The following HIBADH variants were observed in gnomAD, a reference collection of about 807,000 sequenced individuals.
The protein encoded by HIBADH is 3-hydroxyisobutyrate dehydrogenase.
In HIBADH, 25 loss-of-function variants were observed where a neutral mutation model predicts 36.1. That is an observed-to-expected ratio of 0.69 (90% confidence interval 0.50 to 0.97). The LOEUF (loss-of-function observed/expected upper bound fraction) is 0.97, where lower values mean the gene tolerates loss of function less well. HIBADH is among the 50% of genes least tolerant of loss of function. The pLI is 0.00. For synonymous variants in HIBADH, 160 were observed against 149.5 expected (o/e 1.07, Z -0.51); for missense variants, 421 against 418.0 (o/e 1.01, Z -0.06).
chr7:27,652,376 G>A (rs1017212641), intron 1 of HIBADH, among the ~76,000 whole-genome samples: 3 of 151,286 alleles, frequency 2.0e-5, no homozygotes, highest in Non-Finnish European at 4.4e-5. Context: ...TATTTTGTAG[G>A]CAAGAGGTAG....
chr7:27,596,754 C>A (rs1413316377), intron 4 of HIBADH, among the ~76,000 whole-genome samples: 2 of 152,140 alleles, frequency 1.3e-5, no homozygotes, highest in African/African-American at 4.8e-5. Context: ...GTTGGAATAT[C>A]TGCATTGTAC....
intron 4 of HIBADH, among the ~76,000 whole-genome samples, chr7:27,613,161 A>ATATATT (rs1199556072): frequency 9.6e-4 from 9 of 9,416 alleles, no homozygotes; most frequent in Non-Finnish European, 1.3e-3. Context: ...ATATAAATAT[A>ATATATT]TATATTTATA....
At position 27,642,905 on chromosome 7, in the gene HIBADH, C is replaced by T. The variant is rs6956238; in HGVS notation, c.252+6568G>A. 5.5e-3 allele frequency among the ~76,000 whole-genome samples: 830 copies of T among 152,280 alleles called. 2 individuals are homozygous for T. The highest frequency in any genetic ancestry group is 0.011 in the South Asian group (53 of 4,830). Reference sequence around the variant, plus strand: ...TGACCTCGTGATCCGCCCACCTCGGCCTCCCAAAGTGCTGGGATTACAGGC... The same window carrying T: ...TGACCTCGTGATCCGCCCACCTCGGTCTCCCAAAGTGCTGGGATTACAGGC... On this transcript the variant is annotated intron_variant, in intron 2 of 7. Transcript: ENST00000265395.
At position 27,588,677 on chromosome 7, in the gene HIBADH, G is replaced by C. The variant is rs117876521; in HGVS notation, c.484+40694C>G. Among the ~76,000 whole-genome samples, 8 of 152,206 alleles carry C rather than the reference G, an allele frequency of 5.3e-5. No homozygotes were observed. The South Asian group carries it at 1.7e-3, about 32-fold the overall frequency. ...ATATCATGAAACCATCTTATTCTCT[G>C]CTAAGATGATTTTACTAACTCTATA... On this transcript the variant is annotated intron_variant, in intron 4 of 7. Transcript: ENST00000265395.
chr7:27,630,492 CATG>C (rs1337016716), intron 3 of HIBADH, among the ~76,000 whole-genome samples: 1 of 151,868 alleles, frequency 6.6e-6, no homozygotes, highest in East Asian at 1.9e-4. Flanking sequence ...GGCATGGAAT[CATG>C]ATAAGAAAAT....
At chr7:27,660,968 T>A (rs1321931436) in intron 1 of HIBADH, among the ~76,000 whole-genome samples, 1 of 152,162 alleles carries the variant, frequency 6.6e-6, no homozygotes, top group Non-Finnish European at 1.5e-5. Flanking sequence ...TAGAACACCT[T>A]GTAAAACCAC....
intron 1 of HIBADH, among the ~76,000 whole-genome samples, chr7:27,660,476 A>T (rs1287114342): frequency 6.6e-6 from 1 of 152,224 alleles, no homozygotes; most frequent in Non-Finnish European, 1.5e-5. Flanking sequence ...ATCCTGGCTA[A>T]CATGGTGAAA....
At chr7:27,642,256 T>C (rs1333155654) in intron 2 of HIBADH, among the ~76,000 whole-genome samples, 4 of 152,170 alleles carry the variant, frequency 2.6e-5, no homozygotes, top group Admixed American at 1.3e-4. Flanking sequence ...CTTTGTTGGG[T>C]GAGTAAAGAT....
In HIBADH at chr7:27,526,017, GAAAA is replaced by G. The variant is rs1229244312; in HGVS notation, c.*193_*196del. ...TAGCAGAGACTATCAGTGGCTTGCA[GAAAA>G]AAAATTCGGATAATATGTTTGTTAA... On this transcript the variant is annotated 3_prime_UTR_variant, in exon 8 of 8. Coordinates refer to ENST00000265395, the MANE Select transcript of HIBADH (RefSeq NM_152740.4). The G allele has an allele frequency of 2.5e-6, 1 of 396,342 alleles. No individual in the cohort carries two copies. The highest frequency in any genetic ancestry group is 4.3e-6 in the Non-Finnish European group (1 of 232,226). The allele number at this position is 396,342 out of a possible 1,614,324, so 24.6% of individuals were successfully genotyped here. A position where few individuals can be genotyped will look rare whatever the true frequency, so the allele number is the denominator to read the frequency against.
chr7:27,557,201 T>A (rs1467410198), intron 4 of HIBADH, among the ~76,000 whole-genome samples: 1 of 147,572 alleles, frequency 6.8e-6, no homozygotes, highest in Non-Finnish European at 1.5e-5. Context: ...GAGCTTAAGG[T>A]TTTTTTTTTA....
intron 4 of HIBADH, among the ~76,000 whole-genome samples, chr7:27,593,949 G>A (rs1413376956): frequency 6.6e-6 from 1 of 151,234 alleles, no homozygotes; most frequent in East Asian, 2.0e-4. Flanking sequence ...TATGAACCCG[G>A]GAGGCGGAGC....
At chr7:27,561,958 G>A (rs898541412) in intron 4 of HIBADH, among the ~76,000 whole-genome samples, 1 of 152,078 alleles carries the variant, frequency 6.6e-6, no homozygotes, top group East Asian at 1.9e-4. Context: ...AATTTGCATG[G>A]TATGTAAGAA....
At chr7:27,657,966 A>G (rs1359030132) in intron 1 of HIBADH, among the ~76,000 whole-genome samples, 1 of 152,186 alleles carries the variant, frequency 6.6e-6, no homozygotes, top group African/African-American at 2.4e-5. Flanking sequence ...ACTCTTACCA[A>G]AAATGGTCAA....
chr7:27,553,600 G>A (rs1015750), intron 4 of HIBADH, among the ~76,000 whole-genome samples: 115,230 of 152,104 alleles, frequency 0.76, 44,049 homozygotes, highest in East Asian at 0.94. Flanking sequence ...GCAGAGTGGG[G>A]TTTTTAAAGG....
chr7:27,639,653 T>G (rs1223150294), intron 2 of HIBADH, among the ~76,000 whole-genome samples: 2 of 152,142 alleles, frequency 1.3e-5, no homozygotes, highest in African/African-American at 4.8e-5. Context: ...AACACACTCA[T>G]TTTCTGAGTC....
chr7:27,660,432 G>C (rs1397266812), intron 1 of HIBADH, among the ~76,000 whole-genome samples: 1 of 152,254 alleles, frequency 6.6e-6, no homozygotes, highest in Non-Finnish European at 1.5e-5. Context: ...GGGAGGCCAA[G>C]GCGGGCGGAT....
intron 4 of HIBADH, among the ~76,000 whole-genome samples, chr7:27,622,457 T>C (rs940067423): frequency 2.0e-5 from 3 of 151,824 alleles, no homozygotes; most frequent in African/African-American, 7.3e-5. Context: ...CTAGATGAAA[T>C]AGAGACTTAA....
At position 27,644,657 on chromosome 7, in the gene HIBADH, C is replaced by T. The variant is rs573361637; in HGVS notation, c.252+4816G>A. ...GCGCGTGCCTGTAGTCACAGCTACT[C>T]GGGAGGCTGAGGCAGAAGAATCACT... On this transcript the variant is annotated intron_variant, in intron 2 of 7. Transcript: ENST00000265395. 5.3e-5 allele frequency among the ~76,000 whole-genome samples: 8 copies of T among 150,362 alleles called. No homozygotes were observed. In the East Asian group the frequency reaches 5.9e-4, roughly 11 times the overall value.
chr7:27,540,734 G>A (rs951897859), intron 5 of HIBADH, among the ~76,000 whole-genome samples: 17 of 152,104 alleles, frequency 1.1e-4, no homozygotes, highest in Admixed American at 7.2e-4. Flanking sequence ...CTGAATTAGG[G>A]GCGTTATGTT....
Sources: gnomAD v4.1 joint callset for allele counts (sites outside exome capture counted in the v4.1 genomes callset) on GRCh38, gnomAD v4.1.1 for gene constraint, MANE v1.5 for transcripts, NCBI Gene and HGNC (gene_info 2026-07-23, HGNC 2026-07-21) for gene names.